The following PPP1R12B variants were observed in gnomAD, a reference collection of about 807,000 sequenced individuals.
PPP1R12B encodes the protein myosin phosphatase target subunit 2.
A neutral mutation model predicts 126.1 loss-of-function variants in PPP1R12B; 76 were observed. The ratio of observed to expected loss-of-function variants is 0.60; its 90% CI spans 0.50 to 0.73. The LOEUF is 0.73. PPP1R12B is among the 30% of genes least tolerant of loss of function. The pLI is 0.00. For synonymous variants in PPP1R12B, 356 were observed against 434.7 expected (o/e 0.82, Z 2.25); for missense variants, 1,052 against 1,205.1 (o/e 0.87, Z 1.88).
In PPP1R12B at chr1:202,587,465, C is replaced by T. The variant is rs1227958481; in HGVS notation, c.*6905C>T. On this transcript the variant is annotated 3_prime_UTR_variant, in exon 24 of 24. Transcript: ENST00000608999. ...CTCCTCCATAGCCTGGCCAAGGAGA[C>T]CATGAGTAGCCATGTCTGGTTTACT... is the stretch of plus-strand genomic sequence containing the variant. 2.0e-5 allele frequency: 3 copies of T among 151,906 alleles called. No individual in the cohort carries two copies. The allele number at this position is 151,906 out of a possible 1,614,324, so 9.4% of individuals were successfully genotyped here. A position where few individuals can be genotyped will look rare whatever the true frequency, so the allele number is the denominator to read the frequency against.
chr1:202,390,705 G>A (rs900893796), intron 1 of PPP1R12B, among the ~76,000 whole-genome samples: 39 of 150,628 alleles, frequency 2.6e-4, no homozygotes, highest in Non-Finnish European at 4.1e-4. Flanking sequence ...ATGGAGCCCA[G>A]GCTGGTCTCA....
At position 202,584,387 on chromosome 1, in the gene PPP1R12B, A is replaced by C. The variant is rs1689702320; in HGVS notation, c.*3827A>C. 6.6e-6 allele frequency: 1 copy of C among 152,344 alleles called. No homozygotes were observed. Among genetic ancestry groups the C allele is most frequent in the Non-Finnish European group, 1.5e-5 (1 of 68,030 alleles). 9.4% of individuals were successfully genotyped at this position (152,344 alleles called of 1,614,324 possible). A position where few individuals can be genotyped will look rare whatever the true frequency, so the allele number is the denominator to read the frequency against. On this transcript the variant is annotated 3_prime_UTR_variant, in exon 24 of 24. Transcript: ENST00000608999. Reference sequence around the variant, plus strand: ...AACCATGTGCTTATTAGATGGTTCCACTCAGGAAGCAAGGAAGCTAAAACT... The same window carrying C: ...AACCATGTGCTTATTAGATGGTTCCCCTCAGGAAGCAAGGAAGCTAAAACT...
chr1:202,424,691 G>T (rs1436852987), intron 3 of PPP1R12B, among the ~76,000 whole-genome samples: 2 of 152,066 alleles, frequency 1.3e-5, no homozygotes, highest in Non-Finnish European at 2.9e-5. Context: ...AAAACTTTTT[G>T]AATGGGTATG....
intron 21 of PPP1R12B, chr1:202,567,492 A>G: frequency 2.6e-6 from 1 of 379,778 alleles, no homozygotes; most frequent in East Asian, 4.3e-5. Context: ...CTGTGGAGAG[A>G]GAGAGAGAGA....
intron 1 of PPP1R12B, among the ~76,000 whole-genome samples, chr1:202,402,167 A>G (rs1366980383): frequency 2.6e-5 from 4 of 152,184 alleles, no homozygotes; most frequent in Non-Finnish European, 4.4e-5. Context: ...GTCCTCTTTC[A>G]GGTTTTTACC....
chr1:202,556,685 G>C (rs1358583837), intron 18 of PPP1R12B, among the ~76,000 whole-genome samples: 1 of 152,124 alleles, frequency 6.6e-6, no homozygotes, highest in African/African-American at 2.4e-5. Flanking sequence ...TCCCTACATT[G>C]CTTCAGGCGA....
Position 202,437,911 on chromosome 1 carries a change from A to C in PPP1R12B, c.1345A>C (p.Asn449His). The C allele has an allele frequency of 5.6e-6, 9 of 1,613,838 alleles. No individual in the cohort carries two copies. The highest frequency in any genetic ancestry group is 7.6e-6 in the Non-Finnish European group (9 of 1,179,712). The change falls in exon 10 of 24, where the codon AAC becomes CAC. Residue 449 changes from asparagine (N) to histidine (H), a missense_variant. Coordinates refer to ENST00000608999, the MANE Select transcript of PPP1R12B (RefSeq NM_002481.4). Reference protein sequence around the residue: ...RLGLRKTGSHNMLSEVANSRE... With the variant: ...RLGLRKTGSHHMLSEVANSRE... Reference sequence around the variant, plus strand: ...GGGACTGAGAAAAACTGGCAGCCACAACATGCTGAGTGAGGTGGCCAATTC... The same window carrying C: ...GGGACTGAGAAAAACTGGCAGCCACCACATGCTGAGTGAGGTGGCCAATTC...
intron 13 of PPP1R12B, among the ~76,000 whole-genome samples, chr1:202,485,393 C>T (rs1677958084): frequency 7.1e-6 from 1 of 141,022 alleles, no homozygotes; most frequent in Non-Finnish European, 1.5e-5. Context: ...TGCTGAGTAG[C>T]AGCAGCTTAG....
intron 1 of PPP1R12B, among the ~76,000 whole-genome samples, chr1:202,373,462 G>A (rs1660646594): frequency 6.6e-6 from 1 of 151,920 alleles, no homozygotes. Flanking sequence ...CTTACACTTG[G>A]GTCTTTGATA....
chr1:202,446,236 C>CTCTCTCTCTATA lies in PPP1R12B; in HGVS notation c.1668-2752_1668-2751insCTCTCTCTATAT, dbSNP rs1491246158. On this transcript the variant is annotated intron_variant, in intron 12 of 23. Coordinates refer to ENST00000608999, the MANE Select transcript of PPP1R12B (RefSeq NM_002481.4). ...TTACTCTCTCTCTCTCTCTCTCTCTCTATATATATATATATATATATTTTT... is the reference window on the plus strand; with the variant it reads ...TTACTCTCTCTCTCTCTCTCTCTCTCTCTCTCTCTATATATATATATATATATATATATTTTT... 6.8e-5 allele frequency among the ~76,000 whole-genome samples: 6 copies of CTCTCTCTCTATA among 88,046 alleles called. No homozygotes were observed. The Admixed American group carries it at 7.8e-4, about 11-fold the overall frequency. 57.8% of individuals were successfully genotyped at this position (88,046 alleles called of 152,430 possible).
At chr1:202,423,189 G>A (rs1015017846) in intron 3 of PPP1R12B, among the ~76,000 whole-genome samples, 15 of 152,282 alleles carry the variant, frequency 9.9e-5, no homozygotes, top group African/African-American at 2.9e-4. Flanking sequence ...TTGTTAAGGT[G>A]AGGAAGCTAA....
At chr1:202,421,658 A>T (rs1453693715) in intron 2 of PPP1R12B, among the ~76,000 whole-genome samples, 1 of 152,078 alleles carries the variant, frequency 6.6e-6, no homozygotes, top group Non-Finnish European at 1.5e-5. Flanking sequence ...AAACAAAAAA[A>T]AAAGGGGTTT....
rs1415180917 is a variant in PPP1R12B, at chr1:202,581,731, G to A, written c.*1171G>A. The A allele has an allele frequency of 6.6e-6, 1 of 152,214 alleles. No individual in the cohort carries two copies. Among genetic ancestry groups the A allele is most frequent in the African/African-American group, 2.4e-5 (1 of 41,450 alleles). The allele number at this position is 152,214 out of a possible 1,614,324, so 9.4% of individuals were successfully genotyped here. A position where few individuals can be genotyped will look rare whatever the true frequency, so the allele number is the denominator to read the frequency against. On this transcript the variant is annotated 3_prime_UTR_variant, in exon 24 of 24. Coordinates refer to ENST00000608999, the MANE Select transcript of PPP1R12B (RefSeq NM_002481.4). ...TTGCAACATTGTGACAAAGAAGATGGAAGATAGCAGCCTACTGGGCTGTGA... is the reference window on the plus strand; with the variant it reads ...TTGCAACATTGTGACAAAGAAGATGAAAGATAGCAGCCTACTGGGCTGTGA...
intron 18 of PPP1R12B, among the ~76,000 whole-genome samples, chr1:202,528,138 G>C (rs903163906): frequency 2.0e-5 from 3 of 152,146 alleles, no homozygotes; most frequent in Admixed American, 2.0e-4. Context: ...CTAATAGTCT[G>C]TGGCATGGAA....
At chr1:202,490,667 A>G (rs1479314275) in intron 14 of PPP1R12B, among the ~76,000 whole-genome samples, 1 of 152,162 alleles carries the variant, frequency 6.6e-6, no homozygotes, top group East Asian at 1.9e-4. Flanking sequence ...CGCTGCTTCC[A>G]CTTTCTGTCT....
chr1:202,542,966 G>T (rs1312653351), intron 18 of PPP1R12B, among the ~76,000 whole-genome samples: 1 of 152,078 alleles, frequency 6.6e-6, no homozygotes, highest in South Asian at 2.1e-4. Context: ...CAAAACGGAG[G>T]ATTGAAATTT....
chr1:202,530,395 A>AAAAAAGTGTGAAGG (rs1382771345), intron 18 of PPP1R12B, among the ~76,000 whole-genome samples: 6 of 152,174 alleles, frequency 3.9e-5, no homozygotes, highest in African/African-American at 1.2e-4. Context: ...GTGGCCTACA[A>AAAAAAGTGTGAAGG]AAAAAGTGTG....
intron 13 of PPP1R12B, among the ~76,000 whole-genome samples, chr1:202,456,394 T>A (rs1673646883): frequency 6.6e-6 from 1 of 152,082 alleles, no homozygotes; most frequent in Non-Finnish European, 1.5e-5. Context: ...AAACAGAAAT[T>A]CATAGTTGAA....
At chr1:202,497,199 G>A (rs958968513) in intron 18 of PPP1R12B, among the ~76,000 whole-genome samples, 1 of 152,228 alleles carries the variant, frequency 6.6e-6, no homozygotes, top group Non-Finnish European at 1.5e-5. Flanking sequence ...GGACATAAAT[G>A]TGGAGAATGT....
Sources: allele counts gnomAD v4.1 joint callset (sites outside exome capture counted in the v4.1 genomes callset), GRCh38; gene constraint gnomAD v4.1.1; transcripts MANE v1.5; gene names NCBI Gene and HGNC (gene_info 2026-07-23, HGNC 2026-07-21).